CSF3R: variants seen among roughly 807,000 people sequenced by gnomAD.
CSF3R encodes granulocyte colony-stimulating factor receptor.
CSF3R carries 52 observed loss-of-function variants against 84.4 expected under a neutral mutation model. That is an observed-to-expected ratio of 0.62 (90% CI 0.49 to 0.78). The LOEUF is 0.78. Ranked by LOEUF, CSF3R falls within the 30% of genes least tolerant of loss-of-function variation. The probability of loss-of-function intolerance (pLI) is 0.00; values close to 1 mark genes in which losing one functional copy is unlikely to be tolerated. For missense variants in CSF3R, 890 were observed against 1,055.7 expected (o/e 0.84, Z 2.17); for synonymous variants, 384 against 429.1 (o/e 0.89, Z 1.30).
intron 3 of CSF3R, 131 bp downstream of exon 3, chr1:36,479,302 T>C: frequency 1.1e-6 from 1 of 935,342 alleles, no homozygotes; most frequent in Non-Finnish European, 1.7e-6. Flanking sequence ...ACCCCACATC[T>C]GTGGCTCAGA....
chr1:36,475,376 C>G lies in CSF3R; in HGVS notation c.361+1G>C, dbSNP rs1651064264. ...GTAGTTGGATGGCTGGAAGGACTTA[C>G]AGCCTGCGCGCAGCTCAACCTGGTC... On this transcript the variant is annotated splice_donor_variant, in intron 4 of 16. Transcript: ENST00000373106. LOFTEE classifies it high-confidence loss of function. 1 of 1,613,660 alleles carries G rather than the reference C, an allele frequency of 6.2e-7. No homozygotes were observed. Among genetic ancestry groups the G allele is most frequent in the Non-Finnish European group, 8.5e-7 (1 of 1,180,026 alleles).
chr1:36,479,539 A>G, intron 2 of CSF3R, 23 bp from the exon 3 acceptor site: 1 of 1,571,112 alleles, frequency 6.4e-7, no homozygotes, highest in Non-Finnish European at 8.8e-7. Flanking sequence ...GGGTTGTTTA[A>G]GACCATGGGC....
chr1:36,469,103 G>A (rs1473267742), intron 12 of CSF3R, 53 bp downstream of exon 12: 31 of 1,318,172 alleles, frequency 2.4e-5, no homozygotes, highest in Non-Finnish European at 3.1e-5. Context: ...ACCAGGCAGA[G>A]CCTTGGGAGA....
rs747238176 is a variant in CSF3R, at chr1:36,475,346, G to T, written c.361+31C>A. ...TAGTATTGGCAGGAGGGTGTTGGAG[G>T]CAGAGTAGTTGGATGGCTGGAAGGA... On this transcript the variant is annotated intron_variant, in intron 4 of 16. Transcript: ENST00000373106. 7 of 1,612,096 alleles carry T rather than the reference G, an allele frequency of 4.3e-6. No individual in the cohort carries two copies. In the Admixed American group the frequency reaches 1.2e-4, roughly 27 times the overall value.
chr1:36,474,012 C>T, intron 4 of CSF3R, 125 bp from the exon 5 acceptor site: 1 of 1,435,212 alleles, frequency 7.0e-7, no homozygotes. Context: ...GTCTGTCCCC[C>T]TGTCTCCAGG....
chr1:36,472,554 C>T lies in CSF3R; in HGVS notation c.806G>A (p.Arg269His), dbSNP rs765312095. The T allele has an allele frequency of 1.2e-6, 2 of 1,614,170 alleles. No homozygotes were observed. Among genetic ancestry groups the T allele is most frequent in the Admixed American group, 1.7e-5 (1 of 60,022 alleles). ...GLHINQKCELRHKPQRGEASW... is the reference protein window; with the variant it reads ...GLHINQKCELHHKPQRGEASW... The stretch of plus-strand genomic sequence containing the variant: ...GGCTTCTCCACGCTGCGGCTTGTGG[C>T]GCAGCTCACACTTCTGATTTATGTG... Residue 269 changes from arginine to histidine, a missense_variant, in exon 7 of 17, where the codon CGC (arginine) becomes CAC (histidine). Physicochemically the swap from Arg to His is conservative, Grantham distance 29. Coordinates refer to ENST00000373106, the MANE Select transcript of CSF3R (RefSeq NM_000760.4). This position sits in a 1 kb window ranked among gnomAD's most constrained non-coding sequence, Gnocchi z 5.0.
Position 36,467,107 on chromosome 1 carries a change from C to A in CSF3R, c.2040+123G>T. Reference sequence around the variant, plus strand: ...ATTCAAAGTTGGGTCTGCTTCAGTCCAAAGGGACGAGATGTTGCCGGAAGT... The same window carrying A: ...ATTCAAAGTTGGGTCTGCTTCAGTCAAAAGGGACGAGATGTTGCCGGAAGT... On this transcript the variant is annotated intron_variant, in intron 16 of 16. Transcript: ENST00000373106. This position sits in a 1 kb window ranked among gnomAD's most constrained non-coding sequence, Gnocchi z 4.1. 1 of 1,304,206 alleles carries A rather than the reference C, an allele frequency of 7.7e-7. No individual in the cohort carries two copies. Among genetic ancestry groups the A allele is most frequent in the Non-Finnish European group, 1.1e-6 (1 of 910,144 alleles). The allele number at this position is 1,304,206 out of a possible 1,614,324, so 80.8% of individuals were successfully genotyped here. A position where few individuals can be genotyped will look rare whatever the true frequency, so the allele number is the denominator to read the frequency against.
intron 10 of CSF3R, among the ~76,000 whole-genome samples, chr1:36,471,015 C>T (rs964343679): frequency 5.9e-5 from 9 of 152,218 alleles, no homozygotes; most frequent in African/African-American, 2.2e-4. Context: ...ACTCAGGTCA[C>T]ACTGTTAGCA....
intron 10 of CSF3R, among the ~76,000 whole-genome samples, chr1:36,470,070 A>G (rs549692015): frequency 1.3e-5 from 2 of 152,362 alleles, no homozygotes; most frequent in East Asian, 1.9e-4. Flanking sequence ...CAAGCCTGGC[A>G]TAGCGCCTGG....
chr1:36,473,477 T>C lies in CSF3R; in HGVS notation c.631A>G (p.Thr211Ala). ...IWVQAENALGTSMSPQLCLDP... is the reference protein window; with the variant it reads ...IWVQAENALGASMSPQLCLDP... ...AGACACAGTTGTGGGGACATGCTGG[T>C]CCCCAGCGCATTCTCTGCCTGCACC... Residue 211 changes from threonine (T) to alanine (A), a missense_variant, in exon 6 of 17, where the codon ACC becomes GCC. Transcript: ENST00000373106. 1 of 1,614,080 alleles carries C rather than the reference T, an allele frequency of 6.2e-7. No individual in the cohort carries two copies.
intron 4 of CSF3R, 152 bp downstream of exon 4, chr1:36,475,225 A>G: frequency 2.1e-6 from 2 of 937,940 alleles, no homozygotes; most frequent in South Asian, 2.7e-5. Context: ...CAGGCTGATC[A>G]TGAACTCCTG....
At chr1:36,469,603 C>A (rs767341968) in intron 11 of CSF3R, 49 bp downstream of exon 11, 1 of 1,606,752 alleles carries the variant, frequency 6.2e-7, no homozygotes, top group Non-Finnish European at 8.5e-7. Context: ...CAGATAAGCA[C>A]TGCCTCCCTT....
Position 36,472,687 on chromosome 1 carries a change from C to T in CSF3R, c.674-1G>A. ...CGCAGCATGGGGGGCTCCAGTTTCACTGCAAGGAGTGGGGCTGTCAGAAGG... is the reference window on the plus strand; with the variant it reads ...CGCAGCATGGGGGGCTCCAGTTTCATTGCAAGGAGTGGGGCTGTCAGAAGG... On this transcript the variant is annotated splice_acceptor_variant, in intron 6 of 16. Coordinates refer to ENST00000373106, the MANE Select transcript of CSF3R (RefSeq NM_000760.4). LOFTEE classifies it high-confidence loss of function. This position sits in a 1 kb window ranked among gnomAD's most constrained non-coding sequence, Gnocchi z 5.0. The T allele has an allele frequency of 6.3e-7, 1 of 1,594,366 alleles. No homozygotes were observed. Among genetic ancestry groups the T allele is most frequent in the Non-Finnish European group, 8.6e-7 (1 of 1,168,504 alleles).
Position 36,479,335 on chromosome 1 carries a change from G to A in CSF3R, c.64+98C>T, listed in dbSNP as rs575859780. On this transcript the variant is annotated intron_variant, in intron 3 of 16. Coordinates refer to ENST00000373106, the MANE Select transcript of CSF3R (RefSeq NM_000760.4). ...AGACTTGAATCTTGTGGGATTCTCT[G>A]GGAATCCCAGGAGCCATGTGGCAGT... 922 of 1,209,262 alleles carry A rather than the reference G, an allele frequency of 7.6e-4. 1 individual carries two copies. Among genetic ancestry groups the A allele is most frequent in the Non-Finnish European group, 1.1e-3 (877 of 826,594 alleles). 74.9% of individuals were successfully genotyped at this position (1,209,262 alleles called of 1,614,324 possible).
chr1:36,471,686 C>T, intron 9 of CSF3R, 40 bp from the exon 10 acceptor site: 1 of 1,604,298 alleles, frequency 6.2e-7, no homozygotes, highest in South Asian at 1.1e-5. Flanking sequence ...GGATGTGCAG[C>T]TCATCTTGAG....
In CSF3R at chr1:36,471,576, G is replaced by C. The variant is rs994581169; in HGVS notation, c.1142C>G (p.Ala381Gly). 1.9e-6 allele frequency: 3 copies of C among 1,614,258 alleles called. No individual in the cohort carries two copies. Among genetic ancestry groups the C allele is most frequent in the African/African-American group, 1.3e-5 (1 of 75,078 alleles). ...GTTGCAGAGGGGCAGGATGGCCCCAGCCTGGCCTGAGGGTCTCCAAGAAAC... is the reference window on the plus strand; with the variant it reads ...GTTGCAGAGGGGCAGGATGGCCCCACCCTGGCCTGAGGGTCTCCAAGAAAC... ...YVVSWRPSGQ[A>G]GAILPLCNTT... is the part of the protein sequence containing the mutation. Residue 381 changes from alanine to glycine, a missense_variant, in exon 10 of 17, where the codon GCT (alanine) becomes GGT (glycine). By Grantham distance (60) the Ala-to-Gly change is moderately conservative. Coordinates refer to ENST00000373106, the MANE Select transcript of CSF3R (RefSeq NM_000760.4).
Position 36,466,383 on chromosome 1 carries a change from C to T in CSF3R, c.2485G>A (p.Gly829Arg). 1.2e-6 allele frequency: 2 copies of T among 1,613,338 alleles called. No homozygotes were observed. Among genetic ancestry groups the T allele is most frequent in the Non-Finnish European group, 1.7e-6 (2 of 1,180,002 alleles). Residue 829 changes from glycine to arginine, a missense_variant, in exon 17 of 17, where the codon GGG becomes AGG. Transcript: ENST00000373106. The surrounding 1 kb of genome is among the most constrained non-coding windows in gnomAD (Gnocchi z 4.6). ...FPLLQGIRVH[G>R]MEALGSF ...TAGAAGCTCCCCAGCGCCTCCATCC[C>T]ATGGACCCGGATCCCCTGCAGGAGG...
chr1:36,467,262 G>C lies in CSF3R; in HGVS notation c.2008C>G (p.Leu670Val). Residue 670 changes from leucine to valine, a missense_variant, in exon 16 of 17, where the codon CTG (leucine) becomes GTG (valine). By Grantham distance (32) the Leu-to-Val change is conservative. Coordinates refer to ENST00000373106, the MANE Select transcript of CSF3R (RefSeq NM_000760.4). This position sits in a 1 kb window ranked among gnomAD's most constrained non-coding sequence, Gnocchi z 4.1. ...PSVPDPAHSS[L>V]GSWVPTIMEE... is the part of the protein sequence containing the mutation. ...ATGATTGTGGGCACCCAGGAGCCCA[G>C]GCTGCTGTGAGCTGGGTCTGGGACA... is the stretch of plus-strand genomic sequence containing the variant. 1 of 1,614,232 alleles carries C rather than the reference G, an allele frequency of 6.2e-7. No homozygotes were observed.
intron 1 of CSF3R, chr1:36,482,090 G>A (rs1651555662): frequency 1.3e-5 from 2 of 152,552 alleles, no homozygotes; most frequent in African/African-American, 4.8e-5. Context: ...GGGGAGGGAG[G>A]AGGGGGCTGG....
Sources: allele counts gnomAD v4.1 joint callset (sites outside exome capture counted in the v4.1 genomes callset), GRCh38; gene constraint gnomAD v4.1.1; non-coding constraint Gnocchi (gnomAD v3.1); transcripts MANE v1.5; gene names NCBI Gene and HGNC (gene_info 2026-07-23, HGNC 2026-07-21).